Variants in COL22A1 observed in about 807,000 individuals in gnomAD.
The protein encoded by COL22A1 is collagen type XXII alpha 1 chain.
COL22A1 carries 221 observed loss-of-function variants against 248.9 expected under a neutral mutation model. That is an observed-to-expected ratio of 0.89 (90% CI 0.80 to 0.99). The LOEUF (loss-of-function observed/expected upper bound fraction) is 0.99, where lower values mean the gene tolerates loss of function less well. Among genes scored for constraint, COL22A1 ranks in the 50% least tolerant of loss-of-function variants. The probability of loss-of-function intolerance (pLI) is 0.00; values close to 1 mark genes in which losing one functional copy is unlikely to be tolerated. For synonymous variants in COL22A1, 891 were observed against 793.4 expected (o/e 1.12, Z -2.07); for missense variants, 2,240 against 2,179.0 (o/e 1.03, Z -0.56).
chr8:138,676,471 A>G, intron 41 of COL22A1, 87 bp downstream of exon 41: 1 of 670,744 alleles, frequency 1.5e-6, no homozygotes. Context: ...GAAAGAAAGA[A>G]AGAAAAGAGT....
chr8:138,648,057 T>C (rs529736636), intron 46 of COL22A1, among the ~76,000 whole-genome samples: 1 of 152,344 alleles, frequency 6.6e-6, no homozygotes, highest in Admixed American at 6.5e-5. Flanking sequence ...TCAAACATGT[T>C]TATTTACTAT....
chr8:138,671,554 A>C (rs2130772466), intron 41 of COL22A1, among the ~76,000 whole-genome samples: 1 of 152,372 alleles, frequency 6.6e-6, no homozygotes, highest in East Asian at 1.9e-4. Flanking sequence ...GTGTTGCCAA[A>C]GTAGAAAGCG....
At chr8:138,774,073 G>C (rs954803860) in intron 16 of COL22A1, among the ~76,000 whole-genome samples, 4 of 152,162 alleles carry the variant, frequency 2.6e-5, no homozygotes, top group African/African-American at 9.7e-5. Flanking sequence ...AAGGAGCAGA[G>C]GGCCCACAGA....
At chr8:138,799,806 T>C (rs1816849334) in intron 11 of COL22A1, among the ~76,000 whole-genome samples, 1 of 152,208 alleles carries the variant, frequency 6.6e-6, no homozygotes, top group South Asian at 2.1e-4. Context: ...TTTGCATGGG[T>C]AGCTGTTGTG....
intron 30 of COL22A1, among the ~76,000 whole-genome samples, chr8:138,712,092 C>T (rs1304208367): frequency 6.6e-6 from 1 of 152,192 alleles, no homozygotes; most frequent in African/African-American, 2.4e-5. Context: ...GACAGTCCTG[C>T]ACTCAGTGAG....
At position 138,780,939 on chromosome 8, in the gene COL22A1, G is replaced by A. The variant is rs771366608; in HGVS notation, c.1638C>T (p.Ser546=). The A allele has an allele frequency of 2.5e-6, 4 of 1,613,494 alleles. No individual in the cohort carries two copies. In the South Asian group the frequency reaches 4.4e-5, roughly 18 times the overall value. ...GAACAGAACTTACTCTCATGCCTTT[G>A]CTGCCGTCTCTCCCAGGGGGGCCGG... ...GLPGPPGRDG[S]KGMRGEPGEL... The change falls in exon 13 of 65, where the codon AGC becomes AGT. Residue 546 remains serine (S), a synonymous_variant. Transcript: ENST00000303045.
At chr8:138,826,837 C>A in intron 5 of COL22A1, 56 bp from the exon 6 acceptor site, 1 of 1,598,658 alleles carries the variant, frequency 6.3e-7, no homozygotes, top group Non-Finnish European at 8.5e-7. Flanking sequence ...AGGGAGCCAG[C>A]AAAGTGAGCC....
intron 24 of COL22A1, among the ~76,000 whole-genome samples, chr8:138,724,936 G>T (rs573068798): frequency 6.6e-6 from 1 of 152,214 alleles, no homozygotes; most frequent in Non-Finnish European, 1.5e-5. Flanking sequence ...TCTGCTGATG[G>T]CAGGGCCTGA....
At chr8:138,887,620 G>A (rs539916415) in intron 1 of COL22A1, among the ~76,000 whole-genome samples, 30 of 152,156 alleles carry the variant, frequency 2.0e-4, no homozygotes, top group Admixed American at 6.5e-4. Context: ...TGGCACTGGC[G>A]TCATTGTTTT....
At position 138,826,895 on chromosome 8, in the gene COL22A1, A is replaced by G. The variant is rs141227994; in HGVS notation, c.846-114T>C. On this transcript the variant is annotated intron_variant, in intron 5 of 64. Coordinates refer to ENST00000303045, the MANE Select transcript of COL22A1 (RefSeq NM_152888.3). ...GCCCTGCCAATTTGACTTCCTAAAT[A>G]TTTCCACCATCCACCTTCTTGGCCT... 9.7e-4 allele frequency: 1,244 copies of G among 1,283,404 alleles called. 4 individuals carry two copies. The African/African-American group carries it at 0.013, about 13-fold the overall frequency. The allele number at this position is 1,283,404 out of a possible 1,614,324, so 79.5% of individuals were successfully genotyped here. A position where few individuals can be genotyped will look rare whatever the true frequency, so the allele number is the denominator to read the frequency against.
At chr8:138,856,097 T>A (rs948280519) in intron 3 of COL22A1, among the ~76,000 whole-genome samples, 2 of 152,188 alleles carry the variant, frequency 1.3e-5, no homozygotes, top group African/African-American at 4.8e-5. Flanking sequence ...GGGGGCCTGC[T>A]CATTAGCAGC....
At chr8:138,608,684 T>C (rs920595542) in intron 56 of COL22A1, among the ~76,000 whole-genome samples, 1 of 152,212 alleles carries the variant, frequency 6.6e-6, no homozygotes, top group East Asian at 1.9e-4. Flanking sequence ...AGCTCAAGAA[T>C]GTTCTTGGCT....
At position 138,839,991 on chromosome 8, in the gene COL22A1, C is replaced by CTGGTGAGCAGCATAG. The variant is rs1419250285; in HGVS notation, c.733+4092_733+4093insCTATGCTGCTCACCA. On this transcript the variant is annotated intron_variant, in intron 4 of 64. Coordinates refer to ENST00000303045, the MANE Select transcript of COL22A1 (RefSeq NM_152888.3). Reference sequence around the variant, plus strand: ...GTTGGCTGGCTGGTGAGCAGCAGGGCCATCTAAGACCTATGCCTCCAATCT... The same window carrying CTGGTGAGCAGCATAG: ...GTTGGCTGGCTGGTGAGCAGCAGGGCTGGTGAGCAGCATAGCATCTAAGACCTATGCCTCCAATCT... Among the ~76,000 whole-genome samples the CTGGTGAGCAGCATAG allele has an allele frequency of 4.6e-5, 7 of 152,210 alleles. No individual in the cohort carries two copies. The South Asian group carries it at 6.2e-4, about 14-fold the overall frequency.
intron 62 of COL22A1, among the ~76,000 whole-genome samples, chr8:138,595,638 A>T (rs78000928): frequency 0.032 from 4,805 of 152,208 alleles, 233 homozygotes; most frequent in African/African-American, 0.11. Context: ...CCATACAGGA[A>T]AAAGATCGTG....
intron 48 of COL22A1, among the ~76,000 whole-genome samples, chr8:138,636,460 A>C (rs1448984775): frequency 3.4e-5 from 2 of 59,216 alleles, no homozygotes; most frequent in Non-Finnish European, 4.3e-5. Flanking sequence ...AATAGTACAA[A>C]AAGAAAGAAA....
chr8:138,597,297 C>T (rs376175686), intron 61 of COL22A1, among the ~76,000 whole-genome samples: 4 of 152,150 alleles, frequency 2.6e-5, no homozygotes, highest in East Asian at 1.9e-4. Context: ...TTCCCTTCTT[C>T]GCACTGGACC....
At chr8:138,762,105 C>T (rs118105644) in intron 17 of COL22A1, among the ~76,000 whole-genome samples, 1,887 of 152,298 alleles carry the variant, frequency 0.012, 12 homozygotes, top group Non-Finnish European at 0.018. Context: ...GGGGACAAGA[C>T]GGCAATGAGC....
In COL22A1 at chr8:138,728,210, T is replaced by A. The variant is rs144290761; in HGVS notation, c.2140-2770A>T. Among the ~76,000 whole-genome samples, 100 of 152,086 alleles carry A rather than the reference T, an allele frequency of 6.6e-4. No homozygotes were observed. The East Asian group carries it at 0.011, about 17-fold the overall frequency. ...ACCATGCCTAATTTTATGATTTTTT[T>A]GTAGAAACAGGGACTTGCTATATTG... On this transcript the variant is annotated intron_variant, in intron 23 of 64. Coordinates refer to ENST00000303045, the MANE Select transcript of COL22A1 (RefSeq NM_152888.3).
At chr8:138,593,392 T>TAA (rs200453839) in intron 63 of COL22A1, among the ~76,000 whole-genome samples, 97 of 151,442 alleles carry the variant, frequency 6.4e-4, no homozygotes, top group African/African-American at 2.2e-3. Context: ...ATTTTTTTTT[T>TAA]AAAAAAAAAC....
Sources: allele counts gnomAD v4.1 joint callset (sites outside exome capture counted in the v4.1 genomes callset), GRCh38; gene constraint gnomAD v4.1.1; transcripts MANE v1.5; gene names NCBI Gene and HGNC (gene_info 2026-07-23, HGNC 2026-07-21).